Variants in ZNF665 observed in about 807,000 individuals in gnomAD.
ZNF665 encodes zinc finger protein 665.
ZNF665 carries 6 observed loss-of-function variants against 7.9 expected under a neutral mutation model. That is an observed-to-expected ratio of 0.76 (90% CI 0.42 to 1.50). ZNF665 has a LOEUF of 1.50. Among genes scored for constraint, ZNF665 ranks in the 40% most tolerant of loss-of-function variants. The pLI is 0.01. For synonymous variants in ZNF665, 242 were observed against 274.5 expected (o/e 0.88, Z 1.17); for missense variants, 819 against 806.7 (o/e 1.02, Z -0.18).
intron 3 of ZNF665, among the ~76,000 whole-genome samples, chr19:53,171,004 G>A (rs1397775324): frequency 6.6e-6 from 1 of 150,974 alleles, no homozygotes; most frequent in South Asian, 2.1e-4. Flanking sequence ...GTTTGTTTTC[G>A]AGACGGAGTC....
intron 3 of ZNF665, among the ~76,000 whole-genome samples, chr19:53,174,677 G>A (rs1365047040): frequency 1.3e-5 from 2 of 152,020 alleles, no homozygotes; most frequent in South Asian, 2.1e-4. Flanking sequence ...GGTGGCTCAC[G>A]CCTGTAATCC....
intron 1 of ZNF665, among the ~76,000 whole-genome samples, chr19:53,192,781 C>T (rs1008148781): frequency 6.6e-6 from 1 of 152,060 alleles, no homozygotes; most frequent in East Asian, 1.9e-4. Flanking sequence ...AAGGCCCGGG[C>T]ACCTCCCCAA....
intron 3 of ZNF665, among the ~76,000 whole-genome samples, chr19:53,171,159 T>C (rs2090654129): frequency 6.6e-6 from 1 of 151,860 alleles, no homozygotes; most frequent in Non-Finnish European, 1.5e-5. Context: ...TAATTTTTTA[T>C]ATTTTTAGTA....
At position 53,165,104 on chromosome 19, in the gene ZNF665, G is replaced by C; in HGVS notation, c.1386C>G (p.Asp462Glu). ...AATTTTGTGTGAAGACCTTACCGCA[G>C]TCATTACATTTGTAAGGCTTTTCTC... ...HTGEKPYKCN[D>E]CGKVFTQNSH... Residue 462 changes from aspartate (D) to glutamate (E), a missense_variant, in exon 4 of 4, where the codon GAC becomes GAG. Transcript: ENST00000396424. The C allele has an allele frequency of 6.2e-7, 1 of 1,611,390 alleles. No individual in the cohort carries two copies. Among genetic ancestry groups the C allele is most frequent in the Non-Finnish European group, 8.5e-7 (1 of 1,179,194 alleles).
Position 53,165,713 on chromosome 19 carries a change from C to T in ZNF665, c.777G>A (p.Glu259=). The change falls in exon 4 of 4, where the codon GAG becomes GAA. Residue 259 remains glutamate (E), a synonymous_variant. Transcript: ENST00000396424. ...LAGHQRIHTG[E]KPYKCNECGK... ...CACACTCATTACACTTGTAAGGTTT[C>T]TCTCCAGTATGAATTCTCTGATGAC... The T allele has an allele frequency of 1.9e-6, 3 of 1,614,140 alleles. No individual in the cohort carries two copies. The highest frequency in any genetic ancestry group is 2.5e-6 in the Non-Finnish European group (3 of 1,180,040).
chr19:53,182,813 A>T, intron 2 of ZNF665, 71 bp downstream of exon 2: 1 of 1,609,208 alleles, frequency 6.2e-7, no homozygotes, highest in Non-Finnish European at 8.5e-7. Context: ...CTCAGAGAAG[A>T]TTCCCAACTC....
chr19:53,191,393 A>G (rs2090815756), intron 1 of ZNF665, among the ~76,000 whole-genome samples: 1 of 152,200 alleles, frequency 6.6e-6, no homozygotes, highest in Non-Finnish European at 1.5e-5. Flanking sequence ...CCATAACTGA[A>G]TGAGTCAAGT....
intron 1 of ZNF665, among the ~76,000 whole-genome samples, chr19:53,189,053 G>GTGTGTGTC (rs755918865): frequency 1.1e-4 from 16 of 139,718 alleles, no homozygotes; most frequent in Admixed American, 4.3e-4. Context: ...TTTATTTTCT[G>GTGTGTGTC]TGTGTGTGTG....
intron 1 of ZNF665, among the ~76,000 whole-genome samples, chr19:53,189,893 A>G (rs142935613): frequency 0.05 from 7,570 of 150,350 alleles, 469 homozygotes; most frequent in African/African-American, 0.14. Flanking sequence ...TGGCGTCACC[A>G]CTAGACCAAG....
At position 53,164,774 on chromosome 19, in the gene ZNF665, A is replaced by G; in HGVS notation, c.1716T>C (p.Cys572=). 1.2e-6 allele frequency: 2 copies of G among 1,614,240 alleles called. No homozygotes were observed. The highest frequency in any genetic ancestry group is 1.7e-6 in the Non-Finnish European group (2 of 1,180,042). Residue 572 remains cysteine, a synonymous_variant, in exon 4 of 4, where the codon TGT becomes TGC. Transcript: ENST00000396424. ...RIHTGEKPYK[C]NECGKAFSVH... is the part of the protein sequence containing the mutation. ...CACTAAATGCTTTGCCGCACTCATT[A>G]CACTTATAAGGTTTCTCACCAGTGT...
At chr19:53,182,831 C>G in intron 2 of ZNF665, 53 bp downstream of exon 2, 1 of 1,613,232 alleles carries the variant, frequency 6.2e-7, no homozygotes, top group Non-Finnish European at 8.5e-7. Context: ...CTCCAAGGTC[C>G]AAGGTTTCTG....
At chr19:53,189,404 G>A (rs1406121989) in intron 1 of ZNF665, among the ~76,000 whole-genome samples, 2 of 150,790 alleles carry the variant, frequency 1.3e-5, no homozygotes, top group Non-Finnish European at 2.9e-5. Flanking sequence ...CAAGGCAGAA[G>A]GGGCAGGGTA....
intron 3 of ZNF665, among the ~76,000 whole-genome samples, chr19:53,174,298 A>C (rs923409448): frequency 6.6e-6 from 1 of 152,170 alleles, no homozygotes; most frequent in African/African-American, 2.4e-5. Context: ...GATCATGACC[A>C]AGACTTTGCA....
Position 53,164,079 on chromosome 19 carries a change from ATGT to A in ZNF665, c.*371_*373del, listed in dbSNP as rs1228104110. ...AATTGTCTCAAGAATGAATTCTCTG[ATGT>A]TGTGAAAGAATTTGTGGCTGAAAAA... On this transcript the variant is annotated 3_prime_UTR_variant, in exon 4 of 4. Transcript: ENST00000396424. 1 of 156,502 alleles carries A rather than the reference ATGT, an allele frequency of 6.4e-6. No homozygotes were observed. The highest frequency in any genetic ancestry group is 1.4e-5 in the Non-Finnish European group (1 of 72,032). The allele number at this position is 156,502 out of a possible 1,614,324, so 9.7% of individuals were successfully genotyped here.
At chr19:53,184,733 C>A (rs1568666437) in intron 1 of ZNF665, among the ~76,000 whole-genome samples, 2 of 152,114 alleles carry the variant, frequency 1.3e-5, no homozygotes, top group Middle Eastern at 3.2e-3. Flanking sequence ...GGCAGCTGGG[C>A]CCGGGGGACC....
Position 53,164,667 on chromosome 19 carries a change from G to T in ZNF665, c.1823C>A (p.Thr608Asn), listed in dbSNP as rs1291343503. ...YKCNECGKVFTQNSHLANHRR... is the reference protein window; with the variant it reads ...YKCNECGKVFNQNSHLANHRR... ...ATGATTTGCAAGATGTGAATTTTGA[G>T]TGAAGACCTTGCCACATTCATTACA... The change falls in exon 4 of 4, where the codon ACT becomes AAT. Residue 608 changes from threonine to asparagine, a missense_variant. Coordinates refer to ENST00000396424, the MANE Select transcript of ZNF665 (RefSeq NM_024733.5). The T allele has an allele frequency of 6.2e-7, 1 of 1,612,766 alleles. No homozygotes were observed. The highest frequency in any genetic ancestry group is 2.2e-5 in the East Asian group (1 of 44,850).
At chr19:53,177,682 G>A (rs2090708836) in intron 2 of ZNF665, among the ~76,000 whole-genome samples, 1 of 152,144 alleles carries the variant, frequency 6.6e-6, no homozygotes, top group Admixed American at 6.6e-5. Flanking sequence ...TGTCTTCAAC[G>A]ATGATAATAT....
At position 53,176,565 on chromosome 19, in the gene ZNF665, G is replaced by A. The variant is rs542053852; in HGVS notation, c.16-994C>T. ...TAATTGATCCCAACGAAAAGGTGAT[G>A]AGAATTTACAACTTAAGCCAGTTAG... On this transcript the variant is annotated intron_variant, in intron 2 of 3. Transcript: ENST00000396424. Among the ~76,000 whole-genome samples, 11 of 152,324 alleles carry A rather than the reference G, an allele frequency of 7.2e-5. No homozygotes were observed. The South Asian group carries it at 2.3e-3, about 32-fold the overall frequency.
At chr19:53,182,656 G>A (rs1568664952) in intron 2 of ZNF665, 4 of 908,436 alleles carry the variant, frequency 4.4e-6, no homozygotes, top group South Asian at 4.2e-5. Flanking sequence ...ATGTCGGGGT[G>A]TGAGCCCTTC....
Sources: gnomAD v4.1 joint callset for allele counts (sites outside exome capture counted in the v4.1 genomes callset) on GRCh38, gnomAD v4.1.1 for gene constraint, MANE v1.5 for transcripts, NCBI Gene and HGNC (gene_info 2026-07-23, HGNC 2026-07-21) for gene names.